CCP110: variants seen among roughly 807,000 people sequenced by gnomAD.
CCP110 encodes centriolar coiled-coil protein of 110 kDa.
CCP110 carries 43 observed loss-of-function variants against 105.5 expected under a neutral mutation model. The ratio of observed to expected loss-of-function variants is 0.41; its 90% CI spans 0.32 to 0.53. The LOEUF (loss-of-function observed/expected upper bound fraction) is 0.53. CCP110 is among the 20% of genes least tolerant of loss of function. The pLI is 0.32. For missense variants in CCP110, 1,016 were observed against 1,189.1 expected (o/e 0.85, Z 2.14); for synonymous variants, 353 against 392.1 (o/e 0.90, Z 1.18).
intron 3 of CCP110, among the ~76,000 whole-genome samples, chr16:19,534,982 G>C (rs1278861581): frequency 1.4e-5 from 2 of 146,018 alleles, no homozygotes; most frequent in Non-Finnish European, 3.0e-5. Flanking sequence ...CCAGATTCAT[G>C]CCATTCTCTT....
At chr16:19,534,257 G>A (rs1346007214) in intron 3 of CCP110, among the ~76,000 whole-genome samples, 1 of 152,120 alleles carries the variant, frequency 6.6e-6, no homozygotes, top group East Asian at 1.9e-4. Flanking sequence ...TCCTGTGATT[G>A]AAATGAAAAT....
intron 10 of CCP110, 33 bp from the exon 11 acceptor site, chr16:19,545,784 A>G: frequency 1.7e-6 from 2 of 1,194,338 alleles, no homozygotes; most frequent in Non-Finnish European, 1.2e-6. Context: ...AATTGGTTCC[A>G]GTAGAGTTTG....
In CCP110 at chr16:19,548,585, A is replaced by G; in HGVS notation, c.2971A>G (p.Arg991Gly). Reference sequence around the variant, plus strand: ...GCCTTCACAGAGCAGAGTGCCTAACAGAGTGCCTGTTTCAGGTTTGTAGAA... The same window carrying G: ...GCCTTCACAGAGCAGAGTGCCTAACGGAGTGCCTGTTTCAGGTTTGTAGAA... The change falls in exon 14 of 15, where the codon AGA becomes GGA. Residue 991 changes from arginine (R) to glycine (G), a missense_variant. By Grantham distance (125) the Arg-to-Gly change is moderately radical. Coordinates refer to ENST00000381396, the Ensembl canonical transcript of CCP110. This position sits in a 1 kb window ranked among gnomAD's most constrained non-coding sequence, Gnocchi z 4.1. 1.3e-6 allele frequency: 2 copies of G among 1,548,142 alleles called. No individual in the cohort carries two copies. Among genetic ancestry groups the G allele is most frequent in the Non-Finnish European group, 1.7e-6 (2 of 1,145,262 alleles).
chr16:19,548,486 G>C lies in CCP110; in HGVS notation c.2901-29G>C. The C allele has an allele frequency of 7.3e-7, 1 of 1,375,096 alleles. No individual in the cohort carries two copies. Among genetic ancestry groups the C allele is most frequent in the Admixed American group, 2.3e-5 (1 of 44,000 alleles). 85.2% of individuals were successfully genotyped at this position (1,375,096 alleles called of 1,614,324 possible). ...TGAACATTTAGACCTTAATGCCAGT[G>C]ACTTATTAATTTTTTTATATTCAAT... On this transcript the variant is annotated intron_variant, in intron 13 of 14. Coordinates refer to ENST00000381396, the Ensembl canonical transcript of CCP110. The surrounding 1 kb of genome is among the most constrained non-coding windows in gnomAD (Gnocchi z 4.1).
chr16:19,524,201 G>C (rs1428373051), intron 1 of CCP110, 113 bp downstream of exon 1: 1 of 152,486 alleles, frequency 6.6e-6, no homozygotes, highest in Non-Finnish European at 1.5e-5. Flanking sequence ...CTGGGCTCCC[G>C]GGCCTCGAGC....
exon 15 of CCP110, chr16:19,552,441 T>G (rs1416965484): frequency 6.6e-6 from 1 of 151,372 alleles, no homozygotes; most frequent in Non-Finnish European, 1.5e-5. Flanking sequence ...ACAGGCGAAT[T>G]GCTTGAACCT....
rs35879362 is a variant in CCP110, at chr16:19,539,950, C to CT, written c.1919-705dup. Among the ~76,000 whole-genome samples the CT allele has an allele frequency of 6.3e-3, 956 of 151,926 alleles. 4 individuals are homozygous for CT. Among genetic ancestry groups the CT allele is most frequent in the Non-Finnish European group, 0.01 (692 of 67,942 alleles). On this transcript the variant is annotated intron_variant, in intron 4 of 14. Transcript: ENST00000381396. Reference sequence around the variant, plus strand: ...AAGTAGCTGAGATTACAGGCATGCGCTTGTATTTTTTCAGTAGAGATTCGG... The same window carrying CT: ...AAGTAGCTGAGATTACAGGCATGCGCTTTGTATTTTTTCAGTAGAGATTCGG...
At chr16:19,537,610 G>A (rs1248162150) in intron 4 of CCP110, 23 bp downstream of exon 4, 1 of 1,321,254 alleles carries the variant, frequency 7.6e-7, no homozygotes, top group East Asian at 2.3e-5. Flanking sequence ...TGAAGCGTTT[G>A]ATACCTTCTA....
intron 3 of CCP110, among the ~76,000 whole-genome samples, chr16:19,533,575 G>A (rs1969948581): frequency 6.6e-6 from 1 of 152,182 alleles, no homozygotes; most frequent in African/African-American, 2.4e-5. Context: ...TGGGGGTAGA[G>A]GAACAGTCAG....
intron 3 of CCP110, among the ~76,000 whole-genome samples, chr16:19,533,221 G>T (rs909062544): frequency 1.4e-5 from 2 of 145,058 alleles, no homozygotes; most frequent in African/African-American, 2.6e-5. Context: ...TGGTTTGTCT[G>T]TTTAATTCGT....
intron 11 of CCP110, 55 bp downstream of exon 11, chr16:19,545,945 C>A (rs2301688): frequency 2.0e-6 from 2 of 998,858 alleles, no homozygotes; most frequent in South Asian, 1.4e-5. Flanking sequence ...TTTTAGTCAT[C>A]TGTTGGTCTA....
Position 19,540,807 on chromosome 16 carries a change from A to G in CCP110, c.2049+20A>G. The G allele has an allele frequency of 6.2e-7, 1 of 1,606,892 alleles. No homozygotes were observed. Among genetic ancestry groups the G allele is most frequent in the East Asian group, 2.2e-5 (1 of 44,744 alleles). On this transcript the variant is annotated intron_variant, in intron 5 of 14. Coordinates refer to ENST00000381396, the Ensembl canonical transcript of CCP110. ...CAAAAGGTGAGGAATGTGGAGGGAG[A>G]TACAACTGGTAAGTGAAATTTAGCC...
At chr16:19,544,269 A>T (rs1320525263) in intron 8 of CCP110, among the ~76,000 whole-genome samples, 1 of 152,202 alleles carries the variant, frequency 6.6e-6, no homozygotes, top group South Asian at 2.1e-4. Flanking sequence ...AGATAATATT[A>T]TGAATAACAT....
intron 2 of CCP110, among the ~76,000 whole-genome samples, chr16:19,530,535 A>G (rs1317632402): frequency 1.3e-5 from 2 of 150,876 alleles, no homozygotes; most frequent in East Asian, 2.0e-4. Flanking sequence ...AATCCCAGCT[A>G]TGTGGGAGGC....
intron 4 of CCP110, among the ~76,000 whole-genome samples, chr16:19,539,903 G>A (rs1242195382): frequency 6.6e-6 from 1 of 151,598 alleles, no homozygotes; most frequent in Admixed American, 6.6e-5. Context: ...AGGTTCAAGC[G>A]ATTCTCCTGC....
chr16:19,542,945 G>A (rs756544114), exon 8 of CCP110: 5 of 1,612,796 alleles, frequency 3.1e-6, no homozygotes, highest in East Asian at 2.2e-5. Flanking sequence ...TTTCTTACTC[G>A]TAGACTTATG....
chr16:19,540,888 A>G (rs771274463), intron 5 of CCP110, 101 bp downstream of exon 5: 3 of 954,166 alleles, frequency 3.1e-6, no homozygotes, highest in Non-Finnish European at 4.6e-6. Flanking sequence ...TTGCCTCCAT[A>G]TATCTTAAGG....
chr16:19,532,387 A>G, intron 2 of CCP110, 29 bp from the exon 3 acceptor site: 1 of 1,551,484 alleles, frequency 6.4e-7, no homozygotes, highest in East Asian at 2.3e-5. Context: ...TATCGTGGGA[A>G]ATAATTACAT....
At chr16:19,537,695 A>G in intron 4 of CCP110, 108 bp downstream of exon 4, 1 of 605,932 alleles carries the variant, frequency 1.7e-6, no homozygotes, top group Non-Finnish European at 2.9e-6. Context: ...ATGGGCACTT[A>G]ATTTTATTTA....
Sources: gnomAD v4.1 joint callset for allele counts (sites outside exome capture counted in the v4.1 genomes callset) on GRCh38, gnomAD v4.1.1 for gene constraint, Gnocchi (gnomAD v3.1) non-coding constraint, MANE v1.5 for transcripts, NCBI Gene and HGNC (gene_info 2026-07-23, HGNC 2026-07-21) for gene names.